SEBOX: variants seen among roughly 807,000 people sequenced by gnomAD.
SEBOX encodes the protein SEBOX homeobox, also known as homeobox protein SEBOX.
A neutral mutation model predicts 7.8 loss-of-function variants in SEBOX; 10 were observed. The ratio of observed to expected loss-of-function variants is 1.28; its 90% CI spans 0.79 to 2.17. The LOEUF (loss-of-function observed/expected upper bound fraction) is 2.17, where lower values mean the gene tolerates loss of function less well. SEBOX is among the 30% of genes most tolerant of loss of function. The pLI is 0.00. For synonymous variants in SEBOX, 98 were observed against 91.5 expected, an observed-to-expected ratio of 1.07 and a Z score of -0.40; for missense variants, 240 against 239.5, an observed-to-expected ratio of 1.00 and a Z score of -0.01.
chr17:28,364,595 A>G lies in SEBOX; in HGVS notation c.246T>C (p.Ile82=). 1 of 1,546,628 alleles carries G rather than the reference A, an allele frequency of 6.5e-7. No homozygotes were observed. The change falls in exon 3 of 3, where the codon ATT becomes ATC. Residue 82 remains isoleucine (I), a synonymous_variant. Coordinates refer to ENST00000536498, the MANE Select transcript of SEBOX (RefSeq NM_001080837.4). ...GGGGGCACTCAGACCCAGGGCTTAG[A>G]ATTCCTGACTTCCTGTTCTTGATTA... The part of the protein sequence containing the change: ...AKIIKNRKSG[I]LSPGSECPQS...
Position 28,364,844 on chromosome 17 carries a change from G to T in SEBOX, c.143C>A (p.Thr48Asn). The change falls in exon 2 of 3, where the codon ACC becomes AAC. Residue 48 changes from threonine (T) to asparagine (N), a missense_variant. Transcript: ENST00000536498. ...AGTGACCCAGGCCAGGTGCTCATGG[G>T]TGCTGATGTTGGGGTAGGGCCATGC... ...FAAWPYPNIS[T>N]HEHLAWVTCL... 3.7e-6 allele frequency: 6 copies of T among 1,613,942 alleles called. No individual in the cohort carries two copies. Among genetic ancestry groups the T allele is most frequent in the Non-Finnish European group, 5.1e-6 (6 of 1,179,868 alleles).
In SEBOX at chr17:28,364,300, A is replaced by G. The variant is rs1555582618; in HGVS notation, c.541T>C (p.Leu181=). The G allele has an allele frequency of 6.2e-7, 1 of 1,606,360 alleles. No homozygotes were observed. Among genetic ancestry groups the G allele is most frequent in the Non-Finnish European group, 8.5e-7 (1 of 1,176,514 alleles). Reference sequence around the variant, plus strand: ...TGGTCCACATTGACGACAATGGCCAAGGCATAGATGAGGTCAGACAGGCTG... The same window carrying G: ...TGGTCCACATTGACGACAATGGCCAGGGCATAGATGAGGTCAGACAGGCTG... ...LGSLSDLIYA[L]AIVVNVDHS Residue 181 remains leucine (L), a synonymous_variant, in exon 3 of 3, where the codon TTG becomes CTG. Transcript: ENST00000536498.
Sources: allele counts gnomAD v4.1 joint callset, GRCh38; gene constraint gnomAD v4.1.1; transcripts MANE v1.5; gene names NCBI Gene and HGNC (gene_info 2026-07-23, HGNC 2026-07-21).